The following DACT1 variants were observed in gnomAD, a reference collection of about 807,000 sequenced individuals.
DACT1 encodes dapper homolog 1.
Under a neutral mutation model 35.3 loss-of-function variants are expected in DACT1, and 19 were observed. The ratio of observed to expected loss-of-function variants is 0.54; its 90% confidence interval spans 0.38 to 0.79. The LOEUF (loss-of-function observed/expected upper bound fraction) is 0.79, where lower values mean the gene tolerates loss of function less well. Among genes scored for constraint, DACT1 ranks in the 30% least tolerant of loss-of-function variants. The pLI is 0.00. For synonymous variants in DACT1, 545 were observed against 466.7 expected, an observed-to-expected ratio of 1.17 and a Z score of -2.16; for missense variants, 1,143 against 1,057.5, an observed-to-expected ratio of 1.08 and a Z score of -1.12.
chr14:58,638,357 T>C lies in DACT1; in HGVS notation c.155T>C (p.Leu52Pro). Reference sequence around the variant, plus strand: ...ACCCGGGAGCGGCAGGAGGCCACGCTGGCCGGGCTGGCGGAGCTGGAGTAC... The same window carrying C: ...ACCCGGGAGCGGCAGGAGGCCACGCCGGCCGGGCTGGCGGAGCTGGAGTAC... ...QRTRERQEAT[L>P]AGLAELEYLR... Residue 52 changes from leucine to proline, a missense_variant, in exon 1 of 4, where the codon CTG becomes CCG. Leu to Pro is a moderately conservative substitution (Grantham distance 98). Around this residue, in one of 3 missense-constraint regions of DACT1, gnomAD observed 85 missense variants for 81.8 expected, o/e 1.04. Coordinates refer to ENST00000395153, the MANE Select transcript of DACT1 (RefSeq NM_001079520.2). 1.5e-6 allele frequency: 2 copies of C among 1,305,798 alleles called. No individual in the cohort carries two copies. The highest frequency in any genetic ancestry group is 1.9e-6 in the Non-Finnish European group (2 of 1,031,680). 80.9% of individuals were successfully genotyped at this position (1,305,798 alleles called of 1,614,324 possible). A position where few individuals can be genotyped will look rare whatever the true frequency, so the allele number is the denominator to read the frequency against.
At position 58,639,152 on chromosome 14, in the gene DACT1, G is replaced by A; in HGVS notation, c.345+605G>A. The A allele has an allele frequency of 7.1e-6, 7 of 985,366 alleles. No individual in the cohort carries two copies. In the South Asian group the frequency reaches 1.4e-4, roughly 20 times the overall value. 61.0% of individuals were successfully genotyped at this position (985,366 alleles called of 1,614,324 possible). On this transcript the variant is annotated intron_variant, in intron 1 of 3. Coordinates refer to ENST00000395153, the MANE Select transcript of DACT1 (RefSeq NM_001079520.2). ...CCTTTGTATAAGGCAGCTCAAACTAGATGGAAATGATGGAAATTTGGCTGG... is the reference window on the plus strand; with the variant it reads ...CCTTTGTATAAGGCAGCTCAAACTAAATGGAAATGATGGAAATTTGGCTGG...
Position 58,637,991 on chromosome 14 carries a change from C to T in DACT1, c.-212C>T. 6.2e-6 allele frequency: 2 copies of T among 324,900 alleles called. No individual in the cohort carries two copies. The highest frequency in any genetic ancestry group is 6.4e-5 in the East Asian group (1 of 15,724). The allele number at this position is 324,900 out of a possible 1,614,324, so 20.1% of individuals were successfully genotyped here. A position where few individuals can be genotyped will look rare whatever the true frequency, so the allele number is the denominator to read the frequency against. On this transcript the variant is annotated 5_prime_UTR_variant, in exon 1 of 4. It adds an upstream start codon to the 5' untranslated region. Coordinates refer to ENST00000395153, the MANE Select transcript of DACT1 (RefSeq NM_001079520.2). ...TCAGCTGCCGGGCCGCGGCGAGGGA[C>T]GCGCGGCGACAGCGGACGGCGCTGC...
At chr14:58,643,426 G>GGCAAGGCAAACAACACTGAGCA (rs1178160649) in intron 3 of DACT1, among the ~76,000 whole-genome samples, 2 of 152,178 alleles carry the variant, frequency 1.3e-5, no homozygotes, top group Non-Finnish European at 2.9e-5. Context: ...TTTGAGTCCA[G>GGCAAGGCAAACAACACTGAGCA]GCAAGGCAAA....
Position 58,646,594 on chromosome 14 carries a change from G to T in DACT1, c.1860G>T (p.Ala620=). 1.3e-6 allele frequency: 2 copies of T among 1,588,914 alleles called. No homozygotes were observed. The highest frequency in any genetic ancestry group is 8.6e-7 in the Non-Finnish European group (1 of 1,167,958). ...AGGGHRAGSR[A]HGHGREAVVA... is the part of the protein sequence containing the mutation. ...GGGGCCACAGGGCGGGGAGCAGGGC[G>T]CATGGCCACGGACGGGAGGCGGTGG... The change falls in exon 4 of 4, where the codon GCG becomes GCT. Residue 620 remains alanine, a synonymous_variant. Transcript: ENST00000395153.
At chr14:58,641,154 CA>C (rs1186601197) in intron 2 of DACT1, among the ~76,000 whole-genome samples, 2 of 151,630 alleles carry the variant, frequency 1.3e-5, no homozygotes, top group African/African-American at 4.8e-5. Context: ...TTGAGTAAGT[CA>C]GAACTGGGCT....
In DACT1 at chr14:58,638,498, TGGA is replaced by T. The variant is rs766320869; in HGVS notation, c.301_303del (p.Glu101del). 23 of 1,359,376 alleles carry T rather than the reference TGGA, an allele frequency of 1.7e-5. No homozygotes were observed. The highest frequency in any genetic ancestry group is 2.0e-4 in the Middle Eastern group (1 of 4,918). 84.2% of individuals were successfully genotyped at this position (1,359,376 alleles called of 1,614,324 possible). A position where few individuals can be genotyped will look rare whatever the true frequency, so the allele number is the denominator to read the frequency against. ...GGGGAGGCGGCGCAGCGCAGTCGCC[TGGA>T]GGAGAAGTTCTTGGAGGAGAACATC... On this transcript the variant is annotated inframe_deletion, in exon 1 of 4. Coordinates refer to ENST00000395153, the MANE Select transcript of DACT1 (RefSeq NM_001079520.2).
chr14:58,638,711 C>T (rs1298066044), intron 1 of DACT1, 164 bp downstream of exon 1: 6 of 1,186,778 alleles, frequency 5.1e-6, no homozygotes, highest in Non-Finnish European at 6.3e-6. Flanking sequence ...CCTGAGTGCC[C>T]GCGGCGTGTG....
In DACT1 at chr14:58,646,025, G is replaced by A. The variant is rs748458975; in HGVS notation, c.1291G>A (p.Ala431Thr). Residue 431 changes from alanine to threonine, a missense_variant, in exon 4 of 4, where the codon GCC (alanine) becomes ACC (threonine). Ala to Thr is a moderately conservative substitution (Grantham distance 58, BLOSUM62 0). Coordinates refer to ENST00000395153, the MANE Select transcript of DACT1 (RefSeq NM_001079520.2). ...CTCGCAAGAACATGCTCGGTGTTCC[G>A]CCATTGGGACAGGGGAGTCCCCTAA... ...PASQEHARCSAIGTGESPKES... is the reference protein window; with the variant it reads ...PASQEHARCSTIGTGESPKES... 6.2e-7 allele frequency: 1 copy of A among 1,614,062 alleles called. No individual in the cohort carries two copies. Among genetic ancestry groups the A allele is most frequent in the Non-Finnish European group, 8.5e-7 (1 of 1,180,026 alleles).
upstream of DACT1, among the ~76,000 whole-genome samples, chr14:58,636,864 G>C (rs1456954593): frequency 6.6e-6 from 1 of 151,850 alleles, no homozygotes; most frequent in African/African-American, 2.4e-5. Context: ...ATAGGGGTCT[G>C]GAGTAGTGTG....
In DACT1 at chr14:58,645,553, G is replaced by A; in HGVS notation, c.819G>A (p.Glu273=). 6.2e-7 allele frequency: 1 copy of A among 1,614,218 alleles called. No homozygotes were observed. Among genetic ancestry groups the A allele is most frequent in the Non-Finnish European group, 8.5e-7 (1 of 1,180,040 alleles). ...CCAGTGACATTTGCGGTGGATCTGA[G>A]CTAGATGCCGTCAAAACAGACAGTT... ...NHASDICGGS[E]LDAVKTDSSL... The change falls in exon 4 of 4, where the codon GAG becomes GAA. Residue 273 remains glutamate (E), a synonymous_variant. Transcript: ENST00000395153.
chr14:58,647,318 A>T lies in DACT1; in HGVS notation c.*184A>T. 1.4e-6 allele frequency: 1 copy of T among 710,738 alleles called. No individual in the cohort carries two copies. Among genetic ancestry groups the T allele is most frequent in the Non-Finnish European group, 2.3e-6 (1 of 435,484 alleles). 44.0% of individuals were successfully genotyped at this position (710,738 alleles called of 1,614,324 possible). ...GATGCTAGTGCCTTTAATGGAAGGTAAAGAATGTTTTGCTAGTTAGAAGTA... is the reference window on the plus strand; with the variant it reads ...GATGCTAGTGCCTTTAATGGAAGGTTAAGAATGTTTTGCTAGTTAGAAGTA... On this transcript the variant is annotated 3_prime_UTR_variant, in exon 4 of 4. Coordinates refer to ENST00000395153, the MANE Select transcript of DACT1 (RefSeq NM_001079520.2).
chr14:58,641,830 C>T, intron 3 of DACT1, 83 bp downstream of exon 3: 1 of 1,344,788 alleles, frequency 7.4e-7, no homozygotes. Context: ...CAGCACCTTT[C>T]ACTGGTGGAA....
At chr14:58,635,203 G>T (rs148419855), upstream of DACT1, among the ~76,000 whole-genome samples, 11 of 152,340 alleles carry the variant, frequency 7.2e-5, no homozygotes, top group Non-Finnish European at 1.0e-4. Context: ...GTGAGATTCC[G>T]TTGGCAACAG....
upstream of DACT1, among the ~76,000 whole-genome samples, chr14:58,637,464 C>T (rs1010489972): frequency 1.3e-5 from 2 of 152,266 alleles, no homozygotes; most frequent in Non-Finnish European, 2.9e-5. Context: ...AATACACTTG[C>T]AATACCTTGC....
Position 58,638,073 on chromosome 14 carries a change from A to C in DACT1, c.-130A>C. On this transcript the variant is annotated 5_prime_UTR_variant, in exon 1 of 4. Coordinates refer to ENST00000395153, the MANE Select transcript of DACT1 (RefSeq NM_001079520.2). ...GCGCAGGACTCGAGGGCTTCTAGCC[A>C]CCGTCCCCGCCAGCGCCGCGCCCCG... 1 of 1,019,168 alleles carries C rather than the reference A, an allele frequency of 9.8e-7. No homozygotes were observed. Among genetic ancestry groups the C allele is most frequent in the Non-Finnish European group, 1.2e-6 (1 of 806,486 alleles). The allele number at this position is 1,019,168 out of a possible 1,614,324, so 63.1% of individuals were successfully genotyped here.
In DACT1 at chr14:58,640,827, C is replaced by T. The variant is rs2047619773; in HGVS notation, c.437C>T (p.Thr146Ile). The change falls in exon 2 of 4, where the codon ACA (threonine) becomes ATA (isoleucine). Residue 146 changes from threonine to isoleucine, a missense_variant. This residue lies in a region of DACT1 where 1,054 missense variants were observed against 958.8 expected (regional missense o/e 1.10). Coordinates refer to ENST00000395153, the MANE Select transcript of DACT1 (RefSeq NM_001079520.2). ...ISDLRLDVEK[T>I]SEEHLETDSR... is the part of the protein sequence containing the mutation. ...GACCTGAGACTGGATGTAGAAAAGA[C>T]ATCTGAAGAGCACCTGGAGACAGAC... 6.2e-7 allele frequency: 1 copy of T among 1,614,012 alleles called. No homozygotes were observed. Among genetic ancestry groups the T allele is most frequent in the African/African-American group, 1.3e-5 (1 of 74,912 alleles).
At chr14:58,635,050 C>A (rs2047565008), upstream of DACT1, among the ~76,000 whole-genome samples, 1 of 152,162 alleles carries the variant, frequency 6.6e-6, no homozygotes, top group Admixed American at 6.5e-5. Flanking sequence ...TCTGAGCAGA[C>A]AGGCGTGTCC....
In DACT1 at chr14:58,646,335, G is replaced by T. The variant is rs770865733; in HGVS notation, c.1601G>T (p.Arg534Leu). The T allele has an allele frequency of 5.0e-6, 8 of 1,608,480 alleles. No homozygotes were observed. The highest frequency in any genetic ancestry group is 6.8e-6 in the Non-Finnish European group (8 of 1,178,700). The change falls in exon 4 of 4, where the codon CGG (arginine) becomes CTG (leucine). Residue 534 changes from arginine (R) to leucine (L), a missense_variant. Coordinates refer to ENST00000395153, the MANE Select transcript of DACT1 (RefSeq NM_001079520.2). ...PGQQPSVRLH[R>L]GHRNMGVVKN... ...CAGCAGCCCAGTGTCAGGCTCCACC[G>T]GGGCCACAGGAACATGGGCGTCGTG... is the stretch of plus-strand genomic sequence containing the variant.
rs1406701090 is a variant in DACT1 at position 58,638,032 on chromosome 14, A to G, written c.-171A>G. Reference sequence around the variant, plus strand: ...ACGGCGCTGCCCGGGCCGGGACAGCAGCAGCCGGCGGTCGCGCGCAGGACT... The same window carrying G: ...ACGGCGCTGCCCGGGCCGGGACAGCGGCAGCCGGCGGTCGCGCGCAGGACT... On this transcript the variant is annotated 5_prime_UTR_variant, in exon 1 of 4. Transcript: ENST00000395153. 38 of 589,344 alleles carry G rather than the reference A, an allele frequency of 6.4e-5. No homozygotes were observed. Among genetic ancestry groups the G allele is most frequent in the Non-Finnish European group, 8.6e-5 (36 of 420,402 alleles). The allele number at this position is 589,344 out of a possible 1,614,324, so 36.5% of individuals were successfully genotyped here. A position where few individuals can be genotyped will look rare whatever the true frequency, so the allele number is the denominator to read the frequency against.
Sources: gnomAD v4.1 joint callset for allele counts (sites outside exome capture counted in the v4.1 genomes callset) on GRCh38, gnomAD v4.1.1 for gene constraint, gnomAD v4.1.1 regional missense constraint, MANE v1.5 for transcripts, NCBI Gene and HGNC (gene_info 2026-07-23, HGNC 2026-07-21) for gene names.